The following PKHD1 variants were observed in gnomAD, a reference collection of about 807,000 sequenced individuals.
The protein encoded by PKHD1 is PKHD1 ciliary IPT domain containing fibrocystin/polyductin.
In PKHD1, 291 loss-of-function variants were observed where a neutral mutation model predicts 412.0. The ratio of observed to expected loss-of-function variants is 0.71; its 90% CI spans 0.64 to 0.78. The LOEUF is 0.78. Among genes scored for constraint, PKHD1 ranks in the 30% least tolerant of loss-of-function variants. The probability of loss-of-function intolerance (pLI) is 0.00; values close to 1 mark genes in which losing one functional copy is unlikely to be tolerated. For synonymous variants in PKHD1, 1,777 were observed against 1,821.5 expected (o/e 0.98, Z 0.62); for missense variants, 4,825 against 4,950.7 (o/e 0.97, Z 0.76).
At position 51,748,088 on chromosome 6, in the gene PKHD1, A is replaced by G; in HGVS notation, c.9528T>C (p.Thr3176=). The change falls in exon 58 of 67, where the codon ACT becomes ACC. Residue 3176 remains threonine (T), a synonymous_variant. Transcript: ENST00000371117. ...EIENITLVDN[T]IGLLAVVYVF... ...CATACACTACTGCCAAAAGACCAAT[A>G]GTATTGTCTACCAGAGTAATGTTCT... 6.2e-7 allele frequency: 1 copy of G among 1,613,810 alleles called. No individual in the cohort carries two copies. The highest frequency in any genetic ancestry group is 8.5e-7 in the Non-Finnish European group (1 of 1,179,688).
At chr6:51,979,084 G>GT (rs1794812814) in intron 35 of PKHD1, among the ~76,000 whole-genome samples, 1 of 152,090 alleles carries the variant, frequency 6.6e-6, no homozygotes, top group Non-Finnish European at 1.5e-5. Flanking sequence ...AATCCCCAGC[G>GT]TCCAATAGGT....
At chr6:52,074,248 A>G (rs1312628407) in intron 6 of PKHD1, among the ~76,000 whole-genome samples, 1 of 152,234 alleles carries the variant, frequency 6.6e-6, no homozygotes, top group East Asian at 1.9e-4. Flanking sequence ...AATGTGACAA[A>G]AAAGATGTTC....
intron 64 of PKHD1, among the ~76,000 whole-genome samples, chr6:51,638,258 A>G (rs1768844466): frequency 6.6e-6 from 1 of 152,168 alleles, no homozygotes; most frequent in African/African-American, 2.4e-5. Context: ...TCTTTTAATT[A>G]GTTTTCTTAT....
At chr6:51,943,319 G>A (rs1788870095) in intron 36 of PKHD1, among the ~76,000 whole-genome samples, 1 of 150,754 alleles carries the variant, frequency 6.6e-6, no homozygotes, top group South Asian at 2.1e-4. Context: ...TTGAGCTCCT[G>A]TATAAGACGC....
chr6:51,681,209 G>A (rs375343875), intron 60 of PKHD1, among the ~76,000 whole-genome samples: 3 of 151,906 alleles, frequency 2.0e-5, no homozygotes, highest in African/African-American at 7.3e-5. Flanking sequence ...TGATAAAATG[G>A]CTCCCTTGCT....
chr6:51,693,780 C>T (rs1562114452), intron 60 of PKHD1, among the ~76,000 whole-genome samples: 1 of 152,086 alleles, frequency 6.6e-6, no homozygotes, highest in Non-Finnish European at 1.5e-5. Flanking sequence ...TGACTGAGTG[C>T]TTACAATGAG....
chr6:51,990,440 C>T (rs1167494366), intron 35 of PKHD1, among the ~76,000 whole-genome samples: 1 of 152,122 alleles, frequency 6.6e-6, no homozygotes, highest in Admixed American at 6.5e-5. Flanking sequence ...TTCTGGTGGA[C>T]ATCTTTTCAT....
intron 49 of PKHD1, among the ~76,000 whole-genome samples, chr6:51,848,939 G>GA (rs34781445): frequency 0.01 from 1,255 of 123,892 alleles, 19 homozygotes; most frequent in African/African-American, 0.032. Flanking sequence ...TATTTCTTCT[G>GA]AAAAAAAAAA....
intron 27 of PKHD1, among the ~76,000 whole-genome samples, chr6:52,039,425 CCT>C (rs1446036440): frequency 2.6e-5 from 4 of 152,264 alleles, no homozygotes; most frequent in African/African-American, 7.2e-5. Flanking sequence ...ATAGCGTACC[CCT>C]CTTTGCTCTC....
intron 64 of PKHD1, among the ~76,000 whole-genome samples, chr6:51,636,974 T>C (rs1768660496): frequency 6.6e-6 from 1 of 152,196 alleles, no homozygotes; most frequent in African/African-American, 2.4e-5. Context: ...ACTTTCCAAA[T>C]GATTCTTCAG....
chr6:52,058,771 C>CTA (rs1808204236), intron 15 of PKHD1, among the ~76,000 whole-genome samples, 170 bp from the exon 16 acceptor site: 1 of 149,190 alleles, frequency 6.7e-6, no homozygotes, highest in Admixed American at 6.7e-5. Flanking sequence ...TTCTCCAGCT[C>CTA]TCTATCTATC....
intron 66 of PKHD1, among the ~76,000 whole-genome samples, chr6:51,624,736 T>C (rs1398876299): frequency 6.6e-6 from 1 of 152,174 alleles, no homozygotes; most frequent in East Asian, 1.9e-4. Context: ...ACTTATTCTG[T>C]ATAATAACCA....
At chr6:51,626,143 CAT>C (rs1468865705) in intron 66 of PKHD1, among the ~76,000 whole-genome samples, 27 of 152,256 alleles carry the variant, frequency 1.8e-4, no homozygotes, top group Admixed American at 1.7e-3. Flanking sequence ...TAAACACACA[CAT>C]GAAAGATCTC....
intron 52 of PKHD1, among the ~76,000 whole-genome samples, chr6:51,815,820 G>GA (rs1218170677): frequency 3.3e-5 from 5 of 152,038 alleles, no homozygotes; most frequent in East Asian, 3.9e-4. Context: ...AACTAAATAA[G>GA]AAAAAAACAA....
intron 60 of PKHD1, among the ~76,000 whole-genome samples, chr6:51,682,990 G>C (rs1776904487): frequency 6.6e-6 from 1 of 151,978 alleles, no homozygotes; most frequent in Non-Finnish European, 1.5e-5. Context: ...ATTGAAAAAG[G>C]AGGCTTTTAC....
At chr6:51,894,153 C>A (rs1218236117) in intron 43 of PKHD1, among the ~76,000 whole-genome samples, 2 of 152,204 alleles carry the variant, frequency 1.3e-5, no homozygotes, top group Non-Finnish European at 2.9e-5. Flanking sequence ...GTCCTAGACT[C>A]CGGAGCTGGA....
At chr6:51,907,699 C>T (rs1198793850) in intron 40 of PKHD1, among the ~76,000 whole-genome samples, 1 of 152,102 alleles carries the variant, frequency 6.6e-6, no homozygotes, top group Non-Finnish European at 1.5e-5. Flanking sequence ...TGCTTTCTAA[C>T]TCTGGTAGCT....
rs1429876766 is a variant in PKHD1, at chr6:52,046,340, GCCATAATTAAA to G, written c.2408-163_2408-153del. Reference sequence around the variant, plus strand: ...AAGTAGAACTTCAGTAGAATCCCCAGCCATAATTAAACCATTTTTTCCTAAGGTAAAGACAA... The same window carrying G: ...AAGTAGAACTTCAGTAGAATCCCCAGCCATTTTTTCCTAAGGTAAAGACAA... On this transcript the variant is annotated intron_variant, in intron 23 of 66. Coordinates refer to ENST00000371117, the MANE Select transcript of PKHD1 (RefSeq NM_138694.4). 2.2e-4 allele frequency: 159 copies of G among 734,478 alleles called. 6 individuals carry two copies. The South Asian group carries it at 2.3e-3, about 11-fold the overall frequency. 45.5% of individuals were successfully genotyped at this position (734,478 alleles called of 1,614,324 possible).
intron 46 of PKHD1, among the ~76,000 whole-genome samples, chr6:51,880,644 A>G (rs991997129): frequency 3.5e-5 from 1 of 28,512 alleles, no homozygotes; most frequent in African/African-American, 1.8e-4. Context: ...GAGGGATAGC[A>G]TTGGGAGATA....
Sources: gnomAD v4.1 joint callset for allele counts (sites outside exome capture counted in the v4.1 genomes callset) on GRCh38, gnomAD v4.1.1 for gene constraint, MANE v1.5 for transcripts, NCBI Gene and HGNC (gene_info 2026-07-23, HGNC 2026-07-21) for gene names.